The following CFAP58 variants were observed in gnomAD, a reference collection of about 807,000 sequenced individuals.
The protein encoded by CFAP58 is cilia- and flagella-associated protein 58.
CFAP58 carries 88 observed loss-of-function variants against 119.5 expected under a neutral mutation model. The ratio of observed to expected loss-of-function variants is 0.74; its 90% CI spans 0.62 to 0.88. CFAP58 has a LOEUF of 0.88. Ranked by LOEUF, CFAP58 falls within the 40% of genes least tolerant of loss-of-function variation. The pLI is 0.00. For synonymous variants in CFAP58, 365 were observed against 366.3 expected, an observed-to-expected ratio of 1.00 and a Z score of 0.04; for missense variants, 990 against 1,021.2, an observed-to-expected ratio of 0.97 and a Z score of 0.42.
chr10:104,449,085 C>T (rs2013153914), intron 16 of CFAP58, among the ~76,000 whole-genome samples: 1 of 151,870 alleles, frequency 6.6e-6, no homozygotes, highest in African/African-American at 2.4e-5. Context: ...TGATACTTAC[C>T]TACTCTTATA....
At position 104,357,889 on chromosome 10, in the gene CFAP58, A is replaced by G. The variant is rs1240169432; in HGVS notation, c.10-452A>G. ...TATACACATATATGTACACATATAT[A>G]AACATATATGTACACATATACACAC... On this transcript the variant is annotated intron_variant, in intron 1 of 17. Transcript: ENST00000369704. 5.9e-5 allele frequency among the ~76,000 whole-genome samples: 6 copies of G among 101,646 alleles called. No individual in the cohort carries two copies. The East Asian group carries it at 7.9e-4, about 13-fold the overall frequency. The allele number at this position is 101,646 out of a possible 152,430, so 66.7% of individuals were successfully genotyped here. A position where few individuals can be genotyped will look rare whatever the true frequency, so the allele number is the denominator to read the frequency against.
intron 9 of CFAP58, among the ~76,000 whole-genome samples, chr10:104,386,743 A>T (rs1205390323): frequency 6.6e-6 from 1 of 152,232 alleles, no homozygotes; most frequent in Non-Finnish European, 1.5e-5. Flanking sequence ...TGGAAAGCAT[A>T]ATTGGACATC....
At chr10:104,346,486 T>C in the CFAP58 span, among the ~76,000 whole-genome samples, 13 of 152,004 alleles carry the variant, frequency 8.6e-5, no homozygotes, top group African/African-American at 3.1e-4. Context: ...TAACTAGGAC[T>C]ACAGGTGTGC....
Position 104,357,986 on chromosome 10 carries a change from CACAT to C in CFAP58, c.10-353_10-350del, listed in dbSNP as rs762800317. Among the ~76,000 whole-genome samples, 464 of 142,676 alleles carry C rather than the reference CACAT, an allele frequency of 3.3e-3. 7 individuals are homozygous for C. The highest frequency in any genetic ancestry group is 4.5e-3 in the African/African-American group (166 of 37,138). The allele number at this position is 142,676 out of a possible 152,430, so 93.6% of individuals were successfully genotyped here. A position where few individuals can be genotyped will look rare whatever the true frequency, so the allele number is the denominator to read the frequency against. The stretch of plus-strand genomic sequence containing the variant: ...ATATGTACACATATGTACATATGTA[CACAT>C]ATATGTACACATATATACACATATA... On this transcript the variant is annotated intron_variant, in intron 1 of 17. Transcript: ENST00000369704.
At chr10:104,447,671 T>C (rs1385244995) in intron 15 of CFAP58, 27 bp from the exon 16 acceptor site, 2 of 1,611,584 alleles carry the variant, frequency 1.2e-6, no homozygotes, top group Non-Finnish European at 8.5e-7. Context: ...GCTGTTTATC[T>C]CTGCTCCTGG....
chr10:104,391,784 G>A (rs1234524229), intron 9 of CFAP58, among the ~76,000 whole-genome samples: 1 of 152,166 alleles, frequency 6.6e-6, no homozygotes, highest in East Asian at 1.9e-4. Flanking sequence ...TGCTATCAAA[G>A]TTCAAAGACC....
At chr10:104,392,740 A>G (rs1009372601) in intron 10 of CFAP58, among the ~76,000 whole-genome samples, 1 of 151,158 alleles carries the variant, frequency 6.6e-6, no homozygotes, top group African/African-American at 2.4e-5. Flanking sequence ...CCTGGGTTCA[A>G]GTGATTCTCC....
At chr10:104,420,518 G>T (rs1236778557) in intron 15 of CFAP58, among the ~76,000 whole-genome samples, 2 of 152,034 alleles carry the variant, frequency 1.3e-5, no homozygotes, top group Non-Finnish European at 2.9e-5. Context: ...GAAACAAGTG[G>T]TTTTTCTACC....
At chr10:104,357,701 T>C (rs1044905438) in intron 1 of CFAP58, among the ~76,000 whole-genome samples, 1 of 152,064 alleles carries the variant, frequency 6.6e-6, no homozygotes, top group Non-Finnish European at 1.5e-5. Flanking sequence ...CTAATGCATA[T>C]ATATTCTGCA....
At chr10:104,367,049 G>A (rs1176619948) in intron 5 of CFAP58, among the ~76,000 whole-genome samples, 1 of 151,946 alleles carries the variant, frequency 6.6e-6, no homozygotes, top group Non-Finnish European at 1.5e-5. Context: ...AGTAGAGACA[G>A]GGTGTCACCA....
chr10:104,364,468 ACACT>A (rs1350966889), intron 3 of CFAP58, among the ~76,000 whole-genome samples: 1 of 146,748 alleles, frequency 6.8e-6, no homozygotes, highest in Non-Finnish European at 1.5e-5. Flanking sequence ...ACACACACAC[ACACT>A]CTCACACGCA....
At chr10:104,386,529 C>A (rs949504921) in intron 9 of CFAP58, among the ~76,000 whole-genome samples, 23 of 152,114 alleles carry the variant, frequency 1.5e-4, no homozygotes, top group African/African-American at 5.3e-4. Context: ...TCCCAAGAAG[C>A]TTTATTAAAA....
chr10:104,370,739 C>T (rs2014811081), intron 6 of CFAP58, among the ~76,000 whole-genome samples, 156 bp from the exon 7 acceptor site: 1 of 152,262 alleles, frequency 6.6e-6, no homozygotes, highest in Admixed American at 6.5e-5. Context: ...TTCAATTTCT[C>T]TCAAAACCAA....
chr10:104,376,179 C>T (rs1251903474), intron 7 of CFAP58, among the ~76,000 whole-genome samples: 1 of 151,854 alleles, frequency 6.6e-6, no homozygotes, highest in South Asian at 2.1e-4. Context: ...CTTGTTATGC[C>T]AGAGTCAGAT....
At chr10:104,354,265 A>G (rs1377598167) in intron 1 of CFAP58, among the ~76,000 whole-genome samples, 2 of 152,152 alleles carry the variant, frequency 1.3e-5, no homozygotes, top group East Asian at 3.9e-4. Flanking sequence ...GTCTTATCTC[A>G]CAGGGGAAAC....
At chr10:104,401,212 AT>A (rs969264010) in intron 13 of CFAP58, among the ~76,000 whole-genome samples, 8 of 152,222 alleles carry the variant, frequency 5.3e-5, no homozygotes, top group African/African-American at 1.9e-4. Flanking sequence ...CAATTCAGAA[AT>A]TTTTTCCCCC....
chr10:104,341,841 A>G, the CFAP58 span, among the ~76,000 whole-genome samples: 1 of 152,224 alleles, frequency 6.6e-6, no homozygotes, highest in South Asian at 2.1e-4. Context: ...CCTCTGTAAC[A>G]TGGTAAAAAC....
chr10:104,383,752 C>CAA (rs1564886846), intron 9 of CFAP58, among the ~76,000 whole-genome samples: 13 of 86,454 alleles, frequency 1.5e-4, no homozygotes, highest in African/African-American at 6.9e-4. Flanking sequence ...CTTTACTGTC[C>CAA]AACACACACA....
chr10:104,371,456 A>T (rs756758625), intron 7 of CFAP58, among the ~76,000 whole-genome samples: 3 of 152,234 alleles, frequency 2.0e-5, no homozygotes, highest in African/African-American at 4.8e-5. Flanking sequence ...TTGCACTAAG[A>T]ATCAGCGGAA....
Sources: allele counts gnomAD v4.1 joint callset (sites outside exome capture counted in the v4.1 genomes callset), GRCh38; gene constraint gnomAD v4.1.1; transcripts MANE v1.5; gene names NCBI Gene and HGNC (gene_info 2026-07-23, HGNC 2026-07-21).